The following PSMA1 variants were observed in gnomAD, a reference collection of about 807,000 sequenced individuals.
PSMA1 encodes proteasome subunit alpha type-1.
A neutral mutation model predicts 38.4 loss-of-function variants in PSMA1; 3 were observed. The observed-to-expected ratio is 0.08, with a 90% CI of 0.04 to 0.20. PSMA1 has a LOEUF of 0.20. Ranked by LOEUF, PSMA1 falls within the 10% of genes least tolerant of loss-of-function variation. The pLI, the probability that PSMA1 is intolerant of heterozygous loss-of-function variation, is 1.00. For missense variants in PSMA1, 227 were observed against 325.3 expected (o/e 0.70, Z 2.32); for synonymous variants, 101 against 107.1 (o/e 0.94, Z 0.35).
chr11:14,591,069 C>G (rs546100304), intron 2 of PSMA1, among the ~76,000 whole-genome samples: 1 of 152,212 alleles, frequency 6.6e-6, no homozygotes, highest in Non-Finnish European at 1.5e-5. Context: ...GAGGGAGAGG[C>G]GCGAGCGGGA....
chr11:14,616,917 T>G (rs1256044181), intron 1 of PSMA1, among the ~76,000 whole-genome samples: 2 of 152,132 alleles, frequency 1.3e-5, no homozygotes, highest in Non-Finnish European at 2.9e-5. Context: ...TAGTACAGAT[T>G]AAACTGATGG....
At chr11:14,564,831 T>C (rs1191329774) in intron 2 of PSMA1, among the ~76,000 whole-genome samples, 1 of 151,752 alleles carries the variant, frequency 6.6e-6, no homozygotes, top group African/African-American at 2.4e-5. Context: ...CAGGCTGGAA[T>C]GTGGTGGTGC....
chr11:14,643,279 T>G (rs1297701291), intron 1 of PSMA1, among the ~76,000 whole-genome samples: 2 of 151,898 alleles, frequency 1.3e-5, no homozygotes, highest in African/African-American at 4.8e-5. Context: ...GGCCCTAAAC[T>G]GGTCACAGTC....
At chr11:14,548,679 G>A (rs1851853767) in intron 2 of PSMA1, among the ~76,000 whole-genome samples, 1 of 152,034 alleles carries the variant, frequency 6.6e-6, no homozygotes, top group African/African-American at 2.4e-5. Context: ...GCACCCCACT[G>A]GATATACATA....
chr11:14,604,581 T>G (rs1451205019), intron 2 of PSMA1, among the ~76,000 whole-genome samples: 2 of 152,340 alleles, frequency 1.3e-5, no homozygotes, highest in South Asian at 2.1e-4. Flanking sequence ...TTTTCAACTT[T>G]TTTGAGTTAG....
intron 2 of PSMA1, among the ~76,000 whole-genome samples, chr11:14,579,457 G>C (rs1015594675): frequency 7.1e-6 from 1 of 141,612 alleles, no homozygotes. Context: ...CTCATTTCAA[G>C]ATCCTTAACT....
chr11:14,608,575 A>G (rs562655547), intron 2 of PSMA1, among the ~76,000 whole-genome samples: 1 of 148,828 alleles, frequency 6.7e-6, no homozygotes, highest in African/African-American at 2.4e-5. Context: ...AATAAAATTT[A>G]AAAAAGGCAA....
intron 2 of PSMA1, among the ~76,000 whole-genome samples, chr11:14,587,083 A>G (rs1296871347): frequency 6.6e-6 from 1 of 152,112 alleles, no homozygotes; most frequent in African/African-American, 2.4e-5. Flanking sequence ...ATTAAATGCT[A>G]TTTAATTTAT....
intron 2 of PSMA1, among the ~76,000 whole-genome samples, chr11:14,596,371 C>T (rs1309444332): frequency 2.0e-5 from 3 of 152,156 alleles, no homozygotes; most frequent in Non-Finnish European, 4.4e-5. Flanking sequence ...TCTTCCTATC[C>T]ATGAACATGG....
intron 2 of PSMA1, among the ~76,000 whole-genome samples, chr11:14,578,218 T>A (rs1423220851): frequency 1.3e-5 from 2 of 152,066 alleles, no homozygotes; most frequent in African/African-American, 4.8e-5. Context: ...GAGCTTAAAG[T>A]ATAATTAAAA....
At chr11:14,540,615 G>GA (rs1851763362) in intron 2 of PSMA1, among the ~76,000 whole-genome samples, 3 of 151,992 alleles carry the variant, frequency 2.0e-5, no homozygotes, top group South Asian at 2.1e-4. Flanking sequence ...AAGGAAATGT[G>GA]AAAAAAAATT....
chr11:14,556,725 T>C (rs991161416), intron 2 of PSMA1, among the ~76,000 whole-genome samples: 2 of 152,352 alleles, frequency 1.3e-5, no homozygotes, highest in East Asian at 1.9e-4. Context: ...TTAGTTTTTC[T>C]ATAGGGTGTG....
chr11:14,525,886 A>C (rs1851580692), intron 2 of PSMA1, among the ~76,000 whole-genome samples: 2 of 151,326 alleles, frequency 1.3e-5, no homozygotes, highest in African/African-American at 4.9e-5. Context: ...CTTTCTTTCC[A>C]CCCTTCTGCT....
intron 2 of PSMA1, among the ~76,000 whole-genome samples, chr11:14,600,043 A>T (rs148229354): frequency 0.013 from 2,003 of 152,196 alleles, 19 homozygotes; most frequent in Middle Eastern, 0.027. Flanking sequence ...TCCACTCCAG[A>T]CCCTATTTGC....
At position 14,513,707 on chromosome 11, in the gene PSMA1, T is replaced by C. The variant is rs757119971; in HGVS notation, c.415-8A>G. The C allele has an allele frequency of 1.9e-6, 3 of 1,567,484 alleles. No homozygotes were observed. The highest frequency in any genetic ancestry group is 2.6e-6 in the Non-Finnish European group (3 of 1,164,588). ...AATGTGAGGGCCCATATCCTACAAA[T>C]AGAAATAAATACACCACATAATTAT... On this transcript the variant is annotated splice_region_variant and splice_polypyrimidine_tract_variant and intron_variant, in intron 6 of 9. Coordinates refer to ENST00000396394, the MANE Select transcript of PSMA1 (RefSeq NM_002786.4).
chr11:14,547,021 TGTTA>T (rs1565041871), intron 2 of PSMA1, among the ~76,000 whole-genome samples: 2 of 152,242 alleles, frequency 1.3e-5, no homozygotes, highest in African/African-American at 4.8e-5. Context: ...TGGCTCAAGT[TGTTA>T]GTTTCCATCA....
At position 14,517,628 on chromosome 11, in the gene PSMA1, ATGAT is replaced by A. The variant is rs1217299328; in HGVS notation, c.254+10_254+13del. ...GAAACAAAAAGGATGTTTATTTTTCATGATTATACTTACCATAACAGTCTAGCAT... is the reference window on the plus strand; with the variant it reads ...GAAACAAAAAGGATGTTTATTTTTCATATACTTACCATAACAGTCTAGCAT... On this transcript the variant is annotated intron_variant, in intron 4 of 9. Coordinates refer to ENST00000396394, the MANE Select transcript of PSMA1 (RefSeq NM_002786.4). The A allele has an allele frequency of 6.7e-7, 1 of 1,501,966 alleles. No individual in the cohort carries two copies. Among genetic ancestry groups the A allele is most frequent in the Non-Finnish European group, 9.0e-7 (1 of 1,114,746 alleles). 93.0% of individuals were successfully genotyped at this position (1,501,966 alleles called of 1,614,324 possible). A position where few individuals can be genotyped will look rare whatever the true frequency, so the allele number is the denominator to read the frequency against.
intron 2 of PSMA1, among the ~76,000 whole-genome samples, chr11:14,601,531 G>A (rs76083960): frequency 1.1e-4 from 17 of 152,230 alleles, no homozygotes; most frequent in Non-Finnish European, 2.1e-4. Flanking sequence ...AACTCTCTCC[G>A]ACTCAGTCTC....
At chr11:14,529,189 A>G (rs948201569) in intron 2 of PSMA1, among the ~76,000 whole-genome samples, 2 of 152,196 alleles carry the variant, frequency 1.3e-5, no homozygotes, top group African/African-American at 4.8e-5. Flanking sequence ...GAATCAAATA[A>G]AAGTAAATTC....
Sources: allele counts gnomAD v4.1 joint callset (sites outside exome capture counted in the v4.1 genomes callset), GRCh38; gene constraint gnomAD v4.1.1; transcripts MANE v1.5; gene names NCBI Gene and HGNC (gene_info 2026-07-23, HGNC 2026-07-21).